Variants in PPP4R2 observed in about 807,000 individuals in gnomAD.
PPP4R2 encodes protein phosphatase 4 regulatory subunit 2.
Under a neutral mutation model 47.2 loss-of-function variants are expected in PPP4R2, and 13 were observed. The ratio of observed to expected loss-of-function variants is 0.28; its 90% CI spans 0.18 to 0.44. The LOEUF is 0.44. Among genes scored for constraint, PPP4R2 ranks in the 20% least tolerant of loss-of-function variants. The pLI is 1.00. For synonymous variants in PPP4R2, 151 were observed against 163.3 expected, an observed-to-expected ratio of 0.92 and a Z score of 0.57; for missense variants, 421 against 491.2, an observed-to-expected ratio of 0.86 and a Z score of 1.35.
intron 1 of PPP4R2, 78 bp downstream of exon 1, chr3:72,997,149 C>A: frequency 1.7e-6 from 2 of 1,176,952 alleles, no homozygotes; most frequent in Non-Finnish European, 1.1e-6. Flanking sequence ...CGGATGGTTC[C>A]GAGGACCGGG....
At chr3:73,037,327 A>G (rs1477082134) in intron 2 of PPP4R2, among the ~76,000 whole-genome samples, 2 of 152,344 alleles carry the variant, frequency 1.3e-5, no homozygotes, top group East Asian at 1.9e-4. Context: ...AAAGATGTAT[A>G]TACATGTGCT....
chr3:73,051,360 T>G (rs961605001), intron 3 of PPP4R2, among the ~76,000 whole-genome samples: 1 of 152,242 alleles, frequency 6.6e-6, no homozygotes, highest in East Asian at 1.9e-4. Flanking sequence ...GATATTGTAA[T>G]TCTTCGGTAC....
chr3:73,010,704 G>C (rs182487657), intron 2 of PPP4R2, among the ~76,000 whole-genome samples: 1 of 151,918 alleles, frequency 6.6e-6, no homozygotes, highest in Non-Finnish European at 1.5e-5. Context: ...GATTACAGGC[G>C]CCCATCACCG....
At chr3:73,054,097 T>C (rs990837758) in intron 3 of PPP4R2, among the ~76,000 whole-genome samples, 8 of 152,226 alleles carry the variant, frequency 5.3e-5, no homozygotes, top group Admixed American at 5.2e-4. Flanking sequence ...TTTGTATTTT[T>C]AGTAGAGACA....
rs59905202 is a variant in PPP4R2 at position 73,020,672 on chromosome 3, T to TTAAAAAA, written c.116+22514_116+22515insTAAAAAA. Reference sequence around the variant, plus strand: ...GCCACAGAGTGAGACCCTGTCTCTTTAAAAAAAAAAAAAAAAAAAGTTAAA... The same window carrying TTAAAAAA: ...GCCACAGAGTGAGACCCTGTCTCTTTTAAAAAAAAAAAAAAAAAAAAAAAAAGTTAAA... On this transcript the variant is annotated intron_variant, in intron 2 of 8. Transcript: ENST00000356692. Among the ~76,000 whole-genome samples, 870 of 133,172 alleles carry TTAAAAAA rather than the reference T, an allele frequency of 6.5e-3. 14 individuals carry two copies. The highest frequency in any genetic ancestry group is 0.054 in the East Asian group (243 of 4,460). 87.4% of individuals were successfully genotyped at this position (133,172 alleles called of 152,430 possible). A position where few individuals can be genotyped will look rare whatever the true frequency, so the allele number is the denominator to read the frequency against.
At chr3:73,051,022 C>A (rs934973461) in intron 3 of PPP4R2, among the ~76,000 whole-genome samples, 1 of 152,296 alleles carries the variant, frequency 6.6e-6, no homozygotes, top group East Asian at 1.9e-4. Flanking sequence ...TCAGGCGATT[C>A]TCCTGCCTCA....
At chr3:73,013,680 C>T (rs1701769421) in intron 2 of PPP4R2, among the ~76,000 whole-genome samples, 1 of 150,944 alleles carries the variant, frequency 6.6e-6, no homozygotes, top group African/African-American at 2.4e-5. Context: ...GCTCTGTTGC[C>T]TAGGCAGGAG....
intron 2 of PPP4R2, among the ~76,000 whole-genome samples, chr3:73,003,614 C>A (rs4677225): frequency 0.39 from 58,625 of 152,006 alleles, 11,708 homozygotes; most frequent in African/African-American, 0.44. Flanking sequence ...CTCTGTCTCT[C>A]GTCAGTTTGG....
At chr3:73,023,311 C>T (rs565185882) in intron 2 of PPP4R2, among the ~76,000 whole-genome samples, 10 of 151,556 alleles carry the variant, frequency 6.6e-5, no homozygotes, top group Non-Finnish European at 1.5e-4. Context: ...CTCAGCCTCC[C>T]GAGTAGCTCA....
chr3:73,007,213 G>A (rs1366983564), intron 2 of PPP4R2, among the ~76,000 whole-genome samples: 1 of 152,192 alleles, frequency 6.6e-6, no homozygotes, highest in Non-Finnish European at 1.5e-5. Context: ...GGTATGCAGA[G>A]TAAATGCTTG....
At chr3:73,015,019 C>A in intron 2 of PPP4R2, 1 of 661,224 alleles carries the variant, frequency 1.5e-6, no homozygotes, top group Middle Eastern at 2.4e-4. Flanking sequence ...TTTTTTTCCT[C>A]GAAATATACT....
intron 3 of PPP4R2, among the ~76,000 whole-genome samples, chr3:73,048,211 C>T (rs1336710815): frequency 1.3e-5 from 2 of 151,850 alleles, no homozygotes. Flanking sequence ...GTGTCTCATA[C>T]TCTGTCATTT....
Position 72,998,118 on chromosome 3 carries a change from G to C in PPP4R2, c.76G>C (p.Asp26His), listed in dbSNP as rs1457749763. ...GAAAAAGGAAGTTTGTCCTGTCCTGGATCAGTTTCTTTGTCATGTAGCCAA... is the reference window on the plus strand; with the variant it reads ...GAAAAAGGAAGTTTGTCCTGTCCTGCATCAGTTTCTTTGTCATGTAGCCAA... The part of the protein sequence containing the change: ...RGKKEVCPVL[D>H]QFLCHVAKTG... The change falls in exon 2 of 9, where the codon GAT (aspartate) becomes CAT (histidine). Residue 26 changes from aspartate to histidine, a missense_variant. Transcript: ENST00000356692. The C allele has an allele frequency of 6.2e-7, 1 of 1,608,944 alleles. No homozygotes were observed. Among genetic ancestry groups the C allele is most frequent in the Non-Finnish European group, 8.5e-7 (1 of 1,178,500 alleles).
At chr3:73,001,183 A>G (rs17010333) in intron 2 of PPP4R2, among the ~76,000 whole-genome samples, 21,211 of 152,160 alleles carry the variant, frequency 0.14, 1,769 homozygotes, top group East Asian at 0.36. Context: ...ACTCAGCTAC[A>G]TAAAATACTA....
chr3:73,011,864 A>G (rs1327184156), intron 2 of PPP4R2, among the ~76,000 whole-genome samples: 3 of 152,228 alleles, frequency 2.0e-5, no homozygotes, highest in African/African-American at 4.8e-5. Flanking sequence ...TACCACACCA[A>G]TATTGGGAGG....
chr3:73,054,614 CT>C (rs11422279), intron 3 of PPP4R2, among the ~76,000 whole-genome samples: 8 of 151,014 alleles, frequency 5.3e-5, no homozygotes, highest in Admixed American at 2.0e-4. Context: ...ACTGTTTTGA[CT>C]TTTTTTTTAG....
intron 5 of PPP4R2, chr3:73,063,338 A>AAAAAAAAG (rs373842049): frequency 4.1e-5 from 7 of 172,778 alleles, no homozygotes; most frequent in South Asian, 1.6e-4. Flanking sequence ...AAAAAAAAAA[A>AAAAAAAAG]AAGTCCAGGT....
At chr3:73,010,156 A>T (rs1701693371) in intron 2 of PPP4R2, among the ~76,000 whole-genome samples, 1 of 152,232 alleles carries the variant, frequency 6.6e-6, no homozygotes, top group African/African-American at 2.4e-5. Flanking sequence ...TATTTTTTAA[A>T]ATGTGGCATG....
intron 2 of PPP4R2, among the ~76,000 whole-genome samples, chr3:73,007,669 A>G (rs1701639817): frequency 6.6e-6 from 1 of 151,872 alleles, no homozygotes; most frequent in African/African-American, 2.4e-5. Flanking sequence ...TTGTATTTTT[A>G]GTAGAGATGG....
Sources: allele counts gnomAD v4.1 joint callset (sites outside exome capture counted in the v4.1 genomes callset), GRCh38; gene constraint gnomAD v4.1.1; transcripts MANE v1.5; gene names NCBI Gene and HGNC (gene_info 2026-07-23, HGNC 2026-07-21).